Variants in RAB9B observed in about 807,000 individuals in gnomAD.
RAB9B encodes the protein RAB9B, member RAS oncogene family.
In RAB9B, 1 loss-of-function variant was observed where a neutral mutation model predicts 8.9. The observed-to-expected ratio is 0.11, with a 90% CI of 0.04 to 0.53. The LOEUF (loss-of-function observed/expected upper bound fraction) is 0.53, where lower values mean the gene tolerates loss of function less well. RAB9B is among the 20% of genes least tolerant of loss of function. RAB9B has a pLI of 0.93. For synonymous variants in RAB9B, 63 were observed against 57.0 expected, an observed-to-expected ratio of 1.10 and a Z score of -0.47; for missense variants, 82 against 152.9, an observed-to-expected ratio of 0.54 and a Z score of 2.45.
At chrX:103,814,262 T>C in the RAB9B span, among the ~76,000 whole-genome samples, 2 of 111,791 alleles carry the variant, frequency 1.8e-5, no homozygotes, top group Non-Finnish European at 3.8e-5. Context: ...GCAATCAAAT[T>C]AGAACTCAGG....
chrX:103,815,614 A>G, the RAB9B span, among the ~76,000 whole-genome samples: 1 of 112,287 alleles, frequency 8.9e-6, no homozygotes, highest in African/African-American at 3.2e-5. Context: ...AATACAGGGT[A>G]TTCAAATAGG....
chrX:103,780,862 G>A, the RAB9B span: 1 of 117,182 alleles, frequency 8.5e-6, no homozygotes. Flanking sequence ...TAGCATTTCG[G>A]CCTTGTCAAC....
chrX:103,777,013 A>G, the RAB9B span: 1 of 1,191,511 alleles, frequency 8.4e-7, no homozygotes. Flanking sequence ...AGTTTCAAAA[A>G]CTTTAGCATT....
the RAB9B span, among the ~76,000 whole-genome samples, chrX:103,805,762 A>G: frequency 3.0e-5 from 3 of 98,434 alleles, no homozygotes; most frequent in Admixed American, 1.2e-4. Context: ...TTTTCTTTAT[A>G]ATTAAAAAAA....
chrX:103,832,247 C>T lies in RAB9B; in HGVS notation c.-304G>A, dbSNP rs2147788198. ...CCGCTCGCGCCCGCCGCTGCCGCCG[C>T]GCAGCGTCTCGAGCCCGCGCCCGCG... On this transcript the variant is annotated 5_prime_UTR_variant, in exon 1 of 3. Transcript: ENST00000243298. 1 of 110,202 alleles carries T rather than the reference C, an allele frequency of 9.1e-6. No individual in the cohort carries two copies. The highest frequency in any genetic ancestry group is 1.9e-5 in the Non-Finnish European group (1 of 52,389). 9.1% of individuals were successfully genotyped at this position (110,202 alleles called of 1,213,427 possible).
At chrX:103,776,900 A>G in the RAB9B span, 2 of 816,448 alleles carry the variant, frequency 2.4e-6, no homozygotes, top group East Asian at 3.2e-5. Flanking sequence ...AGACCGAAGA[A>G]GGAGGCTGGA....
rs529980 is a variant in RAB9B, at chrX:103,823,293, G to A, written c.*1886C>T. On this transcript the variant is annotated 3_prime_UTR_variant, in exon 3 of 3. Coordinates refer to ENST00000243298, the MANE Select transcript of RAB9B (RefSeq NM_016370.4). ...GGATAGGGACCAGTACTTAAGAGCT[G>A]TGGGGTCCCAGTTCTGGCTTTGACT... The A allele has an allele frequency of 0.23, 25,640 of 111,340 alleles. 2,464 individuals are homozygous for A. The highest frequency in any genetic ancestry group is 0.45 in the Admixed American group (4,704 of 10,465). The allele number at this position is 111,340 out of a possible 1,213,427, so 9.2% of individuals were successfully genotyped here.
Position 103,825,097 on chromosome X carries a change from G to A in RAB9B, c.*82C>T. The stretch of plus-strand genomic sequence containing the variant: ...GTCTCTTACCCTCTTGTGTGCGTGT[G>A]TGTGCACTCTTAGAGGGGCACAGTT... On this transcript the variant is annotated 3_prime_UTR_variant, in exon 3 of 3. Coordinates refer to ENST00000243298, the MANE Select transcript of RAB9B (RefSeq NM_016370.4). 1 of 989,411 alleles carries A rather than the reference G, an allele frequency of 1.0e-6. No homozygotes were observed. The highest frequency in any genetic ancestry group is 1.4e-6 in the Non-Finnish European group (1 of 722,478). 81.5% of individuals were successfully genotyped at this position (989,411 alleles called of 1,213,427 possible).
the RAB9B span, among the ~76,000 whole-genome samples, chrX:103,804,435 C>T: frequency 0.2 from 22,599 of 111,269 alleles, 1,946 homozygotes; most frequent in Non-Finnish European, 0.27. Context: ...AAATGTGAGT[C>T]CTCCAACTTT....
At position 103,822,990 on chromosome X, in the gene RAB9B, C is replaced by A. The variant is rs186781258; in HGVS notation, c.*2189G>T. 425 of 110,761 alleles carry A rather than the reference C, an allele frequency of 3.8e-3. 1 individual carries two copies. Among genetic ancestry groups the A allele is most frequent in the African/African-American group, 0.013 (399 of 30,440 alleles). The allele number at this position is 110,761 out of a possible 1,213,427, so 9.1% of individuals were successfully genotyped here. On this transcript the variant is annotated 3_prime_UTR_variant, in exon 3 of 3. Transcript: ENST00000243298. ...ACAGGATGCCTATGAATCCGATACCCATGTAATTTTTTTTTTTTTACTCAA... is the reference window on the plus strand; with the variant it reads ...ACAGGATGCCTATGAATCCGATACCAATGTAATTTTTTTTTTTTTACTCAA...
chrX:103,789,119 A>G, the RAB9B span: 1 of 463,228 alleles, frequency 2.2e-6, no homozygotes, highest in Non-Finnish European at 3.8e-6. Flanking sequence ...CTATTTCATG[A>G]CTATTCTGTG....
the RAB9B span, among the ~76,000 whole-genome samples, chrX:103,808,575 A>G: frequency 8.9e-6 from 1 of 112,274 alleles, no homozygotes; most frequent in African/African-American, 3.2e-5. Context: ...CACATGACCC[A>G]CCCCTCGTTT....
the RAB9B span, chrX:103,787,577 C>T: frequency 2.5e-5 from 11 of 447,702 alleles, no homozygotes; most frequent in Non-Finnish European, 4.3e-5. Context: ...TCACTCTTCC[C>T]CTACCCATTC....
the RAB9B span, among the ~76,000 whole-genome samples, chrX:103,796,847 CAAAAAAAAAAAA>C: frequency 1.7e-4 from 2 of 12,110 alleles, no homozygotes; most frequent in African/African-American, 5.0e-4. Flanking sequence ...ACCGCCTCTA[CAAAAAAAAAAAA>C]AAAAAAAAAA....
the RAB9B span, among the ~76,000 whole-genome samples, chrX:103,811,525 C>T: frequency 1.8e-5 from 2 of 111,300 alleles, no homozygotes; most frequent in Non-Finnish European, 3.8e-5. Context: ...TGTGGAAATG[C>T]CAGTTAAAAT....
At chrX:103,830,452 T>A (rs1198593128) in intron 1 of RAB9B, among the ~76,000 whole-genome samples, 1 of 111,909 alleles carries the variant, frequency 8.9e-6, no homozygotes, top group Non-Finnish European at 1.9e-5. Flanking sequence ...ATGGGTCCTC[T>A]GTCGGGCGAG....
chrX:103,783,570 G>A, the RAB9B span, among the ~76,000 whole-genome samples: 1 of 112,077 alleles, frequency 8.9e-6, no homozygotes. Context: ...AGAGGCAAAT[G>A]CCTCTACCTC....
chrX:103,831,778 T>A (rs1467228952), intron 1 of RAB9B, among the ~76,000 whole-genome samples: 1 of 110,001 alleles, frequency 9.1e-6, no homozygotes, highest in East Asian at 2.9e-4. Flanking sequence ...GCTAGTCGGC[T>A]GTGGCGCATG....
chrX:103,786,060 C>A, the RAB9B span: 7 of 1,048,224 alleles, frequency 6.7e-6, no homozygotes, highest in South Asian at 1.6e-4. Context: ...GAGCCTCCAG[C>A]GTAGTAGGTA....
Sources: allele counts gnomAD v4.1 joint callset (sites outside exome capture counted in the v4.1 genomes callset), GRCh38; gene constraint gnomAD v4.1.1; transcripts MANE v1.5; gene names NCBI Gene and HGNC (gene_info 2026-07-23, HGNC 2026-07-21).